Variants in TRAPPC9 observed in about 807,000 individuals in gnomAD.
TRAPPC9 encodes trafficking protein particle complex subunit 9.
In TRAPPC9, 83 loss-of-function variants were observed where a neutral mutation model predicts 124.0. That is an observed-to-expected ratio of 0.67 (90% confidence interval 0.56 to 0.80). The LOEUF (loss-of-function observed/expected upper bound fraction) is 0.80, where lower values mean the gene tolerates loss of function less well. Ranked by LOEUF, TRAPPC9 falls within the 30% of genes least tolerant of loss-of-function variation. The probability of loss-of-function intolerance (pLI) is 0.00; values close to 1 mark genes in which losing one functional copy is unlikely to be tolerated. For synonymous variants in TRAPPC9, 638 were observed against 617.5 expected (o/e 1.03, Z -0.49); for missense variants, 1,302 against 1,508.3 (o/e 0.86, Z 2.27).
chr8:139,951,362 G>A (rs550209647), intron 19 of TRAPPC9, among the ~76,000 whole-genome samples: 19 of 152,318 alleles, frequency 1.2e-4, no homozygotes, highest in African/African-American at 4.6e-4. Flanking sequence ...ACTGTGCCAT[G>A]AGGGTTCAAG....
Position 139,750,141 on chromosome 8 carries a change from C to G in TRAPPC9, c.3056-17939G>C, listed in dbSNP as rs186065694. Among the ~76,000 whole-genome samples, 7 of 152,284 alleles carry G rather than the reference C, an allele frequency of 4.6e-5. No homozygotes were observed. The East Asian group carries it at 1.4e-3, about 29-fold the overall frequency. Reference sequence around the variant, plus strand: ...CTGTCCCAGTGTGGCATAGACCTCACCTCAGTCCTGAAGCATCCACCAGGG... The same window carrying G: ...CTGTCCCAGTGTGGCATAGACCTCAGCTCAGTCCTGAAGCATCCACCAGGG... On this transcript the variant is annotated intron_variant, in intron 21 of 22. Coordinates refer to ENST00000438773, the MANE Select transcript of TRAPPC9 (RefSeq NM_001160372.4).
At chr8:140,083,800 A>G (rs1226303869) in intron 17 of TRAPPC9, among the ~76,000 whole-genome samples, 1 of 151,916 alleles carries the variant, frequency 6.6e-6, no homozygotes, top group East Asian at 1.9e-4. Context: ...CCAAGTAGCT[A>G]GGATTACAGG....
At chr8:140,230,723 G>A (rs935850197) in intron 16 of TRAPPC9, among the ~76,000 whole-genome samples, 1 of 152,052 alleles carries the variant, frequency 6.6e-6, no homozygotes, top group Non-Finnish European at 1.5e-5. Flanking sequence ...GCAGTGAGCT[G>A]AGATCGCGCC....
chr8:140,297,765 C>A (rs2065852987), intron 11 of TRAPPC9, among the ~76,000 whole-genome samples: 1 of 152,238 alleles, frequency 6.6e-6, no homozygotes, highest in African/African-American at 2.4e-5. Flanking sequence ...GGTACCCCTG[C>A]TGACAGATGT....
chr8:140,439,352 T>C (rs1201448038), intron 2 of TRAPPC9, among the ~76,000 whole-genome samples, 155 bp from the exon 3 acceptor site: 1 of 152,218 alleles, frequency 6.6e-6, no homozygotes, highest in African/African-American at 2.4e-5. Context: ...TTGCCAGTTA[T>C]GTGAGCTGGA....
intron 17 of TRAPPC9, among the ~76,000 whole-genome samples, chr8:140,180,357 T>A (rs902215957): frequency 1.3e-5 from 2 of 152,082 alleles, no homozygotes; most frequent in Non-Finnish European, 2.9e-5. Context: ...CTCCCTTCCA[T>A]CCTATGTTTG....
chr8:140,129,195 C>A (rs2061155965), intron 17 of TRAPPC9, among the ~76,000 whole-genome samples: 1 of 152,074 alleles, frequency 6.6e-6, no homozygotes, highest in Non-Finnish European at 1.5e-5. Context: ...CCTTTCTGAA[C>A]AAGGCAGGCC....
chr8:139,786,945 C>G (rs1373512428), intron 21 of TRAPPC9, among the ~76,000 whole-genome samples: 18 of 152,088 alleles, frequency 1.2e-4, no homozygotes. Context: ...CGCACTCCGT[C>G]CAATCTTGGT....
At chr8:139,766,977 C>T (rs753812105) in intron 21 of TRAPPC9, among the ~76,000 whole-genome samples, 2 of 152,216 alleles carry the variant, frequency 1.3e-5, no homozygotes, top group African/African-American at 2.4e-5. Context: ...GACTGTGAGC[C>T]CCTGGAGTGC....
rs1643988 is a variant in TRAPPC9, at chr8:139,734,874, G to A, written c.3056-2672C>T. 5.9e-5 allele frequency among the ~76,000 whole-genome samples: 9 copies of A among 152,362 alleles called. No homozygotes were observed. In the South Asian group the frequency reaches 6.2e-4, roughly 11 times the overall value. Reference sequence around the variant, plus strand: ...ATGGCATCAGGGAAGGCTTCCTGGAGGAAAGGACACCTTTCTCTATTCTAG... The same window carrying A: ...ATGGCATCAGGGAAGGCTTCCTGGAAGAAAGGACACCTTTCTCTATTCTAG... On this transcript the variant is annotated intron_variant, in intron 21 of 22. Transcript: ENST00000438773.
intron 21 of TRAPPC9, among the ~76,000 whole-genome samples, chr8:139,865,701 G>T (rs1166910306): frequency 3.3e-5 from 5 of 152,176 alleles, no homozygotes; most frequent in Non-Finnish European, 5.9e-5. Flanking sequence ...GAAGCCATGG[G>T]GTCCCAAGAG....
At chr8:139,908,539 G>A (rs7014539) in intron 20 of TRAPPC9, 98,842 of 152,032 alleles carry the variant, frequency 0.65, 34,084 homozygotes, top group African/African-American at 0.9. Flanking sequence ...CCCCAGCCTG[G>A]CAGCGTGGGA....
At position 140,272,438 on chromosome 8, in the gene TRAPPC9, ATGG is replaced by A. The variant is rs541784223; in HGVS notation, c.2278+3217_2278+3219del. 3.8e-4 allele frequency among the ~76,000 whole-genome samples: 56 copies of A among 145,706 alleles called. 2 individuals are homozygous for A. In the Middle Eastern group the frequency reaches 0.022, roughly 58 times the overall value. ...GATGGTGATGGTGGTGATGGTAGTG[ATGG>A]TGGTGCTGGTGATGGCAGTGGTAGT... On this transcript the variant is annotated intron_variant, in intron 15 of 22. Coordinates refer to ENST00000438773, the MANE Select transcript of TRAPPC9 (RefSeq NM_001160372.4).
chr8:139,987,155 T>G (rs539889761), intron 19 of TRAPPC9, among the ~76,000 whole-genome samples: 1 of 152,296 alleles, frequency 6.6e-6, no homozygotes, highest in South Asian at 2.1e-4. Flanking sequence ...ACACCGCCAT[T>G]TGTTTGTCCG....
chr8:140,122,091 G>A (rs2061000205), intron 17 of TRAPPC9, among the ~76,000 whole-genome samples: 3 of 150,852 alleles, frequency 2.0e-5, no homozygotes, highest in African/African-American at 7.3e-5. Context: ...CTGTCTTTGA[G>A]GATGCAAACA....
chr8:140,358,023 G>A (rs2067807327), intron 9 of TRAPPC9, among the ~76,000 whole-genome samples: 1 of 152,214 alleles, frequency 6.6e-6, no homozygotes, highest in African/African-American at 2.4e-5. Context: ...AATAAGTGGT[G>A]TGTGCCTTCA....
chr8:139,947,660 G>C (rs897384440), intron 19 of TRAPPC9, among the ~76,000 whole-genome samples: 1 of 151,538 alleles, frequency 6.6e-6, no homozygotes, highest in Non-Finnish European at 1.5e-5. Flanking sequence ...AGGAGTTTGT[G>C]ATCAGCCTGG....
rs1029479568 is a variant in TRAPPC9, at chr8:139,776,675, C to T, written c.3056-44473G>A. On this transcript the variant is annotated intron_variant, in intron 21 of 22. Transcript: ENST00000438773. The surrounding 1 kb of genome is among the most constrained non-coding windows in gnomAD (Gnocchi z 4.1). ...GCACGTGTGTGTCTGTGTGTGTGTG[C>T]GCACACACACACAGAAAGGCACATG... Among the ~76,000 whole-genome samples, 6 of 151,890 alleles carry T rather than the reference C, an allele frequency of 4.0e-5. No individual in the cohort carries two copies. Among genetic ancestry groups the T allele is most frequent in the South Asian group, 2.1e-4 (1 of 4,796 alleles).
intron 17 of TRAPPC9, among the ~76,000 whole-genome samples, chr8:140,134,842 T>C (rs55688253): frequency 6.6e-6 from 1 of 152,142 alleles, no homozygotes; most frequent in Non-Finnish European, 1.5e-5. Context: ...AATTTCAAAC[T>C]TTGGTGAATC....
Sources: allele counts gnomAD v4.1 joint callset (sites outside exome capture counted in the v4.1 genomes callset), GRCh38; gene constraint gnomAD v4.1.1; non-coding constraint Gnocchi (gnomAD v3.1); transcripts MANE v1.5; gene names NCBI Gene and HGNC (gene_info 2026-07-23, HGNC 2026-07-21).